KCNIP4: variants seen among roughly 807,000 people sequenced by gnomAD.
KCNIP4 encodes the protein potassium voltage-gated channel interacting protein 4.
In KCNIP4, 12 loss-of-function variants were observed where a neutral mutation model predicts 34.0. That is an observed-to-expected ratio of 0.35 (90% CI 0.23 to 0.57). The LOEUF is 0.57. Ranked by LOEUF, KCNIP4 falls within the 20% of genes least tolerant of loss-of-function variation. KCNIP4 has a pLI of 0.83. For missense variants in KCNIP4, 238 were observed against 311.7 expected, an observed-to-expected ratio of 0.76 and a Z score of 1.78; for synonymous variants, 124 against 102.2, an observed-to-expected ratio of 1.21 and a Z score of -1.29.
At chr4:21,384,265 G>A (rs1721809801) in intron 1 of KCNIP4, among the ~76,000 whole-genome samples, 1 of 151,974 alleles carries the variant, frequency 6.6e-6, no homozygotes, top group Non-Finnish European at 1.5e-5. Context: ...AACATATTAA[G>A]GGCTTTTTTC....
At chr4:21,778,959 T>A (rs566207983) in intron 1 of KCNIP4, among the ~76,000 whole-genome samples, 1 of 152,014 alleles carries the variant, frequency 6.6e-6, no homozygotes, top group African/African-American at 2.4e-5. Context: ...AGAGTTACTG[T>A]GAGCTTTTAA....
chr4:21,597,990 C>T (rs957845541), intron 1 of KCNIP4, among the ~76,000 whole-genome samples: 3 of 151,964 alleles, frequency 2.0e-5, no homozygotes, highest in African/African-American at 7.3e-5. Flanking sequence ...TAATTATGAA[C>T]TGTTGATTCA....
At chr4:21,889,818 G>A (rs988498797) in intron 1 of KCNIP4, among the ~76,000 whole-genome samples, 5 of 152,154 alleles carry the variant, frequency 3.3e-5, no homozygotes, top group African/African-American at 9.7e-5. Flanking sequence ...GCTTCATGAT[G>A]TATTTCCTCC....
At chr4:21,061,713 T>C (rs141601505) in intron 1 of KCNIP4, among the ~76,000 whole-genome samples, 87 of 152,328 alleles carry the variant, frequency 5.7e-4, no homozygotes, top group Middle Eastern at 3.4e-3. Flanking sequence ...CTAAACATTA[T>C]ATGATCCAAA....
intron 1 of KCNIP4, among the ~76,000 whole-genome samples, chr4:21,386,616 G>A (rs1722057801): frequency 6.6e-6 from 1 of 152,130 alleles, no homozygotes; most frequent in Non-Finnish European, 1.5e-5. Flanking sequence ...AATGAACAAG[G>A]AACATTTAGT....
At chr4:20,797,756 G>T (rs936943089) in intron 3 of KCNIP4, among the ~76,000 whole-genome samples, 1 of 152,142 alleles carries the variant, frequency 6.6e-6, no homozygotes, top group Non-Finnish European at 1.5e-5. Context: ...CCCTGGCTGT[G>T]GGTCGGCAGG....
At chr4:20,888,169 G>A (rs1725522745) in intron 1 of KCNIP4, among the ~76,000 whole-genome samples, 1 of 151,892 alleles carries the variant, frequency 6.6e-6, no homozygotes, top group South Asian at 2.1e-4. Context: ...GAAAGCCAGG[G>A]AAGAGGAATA....
intron 1 of KCNIP4, among the ~76,000 whole-genome samples, chr4:21,034,689 C>T (rs770126646): frequency 4.6e-5 from 7 of 152,226 alleles, no homozygotes; most frequent in Middle Eastern, 3.4e-3. Context: ...AGTGTGAGTT[C>T]CATCTGTTAT....
chr4:20,793,206 G>T (rs1162017240), intron 3 of KCNIP4, among the ~76,000 whole-genome samples: 1 of 152,060 alleles, frequency 6.6e-6, no homozygotes, highest in African/African-American at 2.4e-5. Context: ...ACAAATTGTT[G>T]TATATACCTA....
At chr4:21,156,864 G>A (rs1022581160) in intron 1 of KCNIP4, among the ~76,000 whole-genome samples, 1 of 151,908 alleles carries the variant, frequency 6.6e-6, no homozygotes, top group African/African-American at 2.4e-5. Context: ...AACTAATAAG[G>A]TAATATGCAT....
intron 1 of KCNIP4, among the ~76,000 whole-genome samples, chr4:21,753,761 A>C (rs1402249232): frequency 1.3e-5 from 2 of 152,140 alleles, no homozygotes; most frequent in Non-Finnish European, 2.9e-5. Flanking sequence ...AAAACTTTTT[A>C]TTGAAGCATC....
chr4:21,388,525 T>A, intron 1 of KCNIP4, among the ~76,000 whole-genome samples: 1 of 152,274 alleles, frequency 6.6e-6, no homozygotes, highest in South Asian at 2.1e-4. Context: ...ACATATCATA[T>A]AATTTAACCT....
chr4:20,732,597 C>A, intron 7 of KCNIP4, 84 bp downstream of exon 7: 1 of 839,882 alleles, frequency 1.2e-6, no homozygotes, highest in Non-Finnish European at 2.0e-6. Flanking sequence ...CCTTTGCTCT[C>A]TTTTGAATCA....
At chr4:21,831,936 A>G (rs1176756479) in intron 1 of KCNIP4, among the ~76,000 whole-genome samples, 1 of 152,148 alleles carries the variant, frequency 6.6e-6, no homozygotes, top group Non-Finnish European at 1.5e-5. Context: ...TCAATGGCAC[A>G]TTAAAAAGAT....
At chr4:21,043,277 C>T (rs1742116880) in intron 1 of KCNIP4, among the ~76,000 whole-genome samples, 1 of 152,106 alleles carries the variant, frequency 6.6e-6, no homozygotes, top group Non-Finnish European at 1.5e-5. Flanking sequence ...ACAAATGGAT[C>T]ATGACACTGA....
chr4:20,937,533 C>T (rs1045466068), intron 1 of KCNIP4, among the ~76,000 whole-genome samples: 1 of 151,962 alleles, frequency 6.6e-6, no homozygotes, highest in African/African-American at 2.4e-5. Context: ...CGTGCCTGGC[C>T]CCCAAGGAGT....
At chr4:21,492,472 C>A (rs1049888448) in intron 1 of KCNIP4, among the ~76,000 whole-genome samples, 1 of 152,152 alleles carries the variant, frequency 6.6e-6, no homozygotes. Context: ...GATCCTCCTG[C>A]CCTGGCATCC....
At chr4:21,558,592 A>G (rs1277801030) in intron 1 of KCNIP4, among the ~76,000 whole-genome samples, 2 of 152,148 alleles carry the variant, frequency 1.3e-5, no homozygotes, top group African/African-American at 4.8e-5. Context: ...TTGAAATTAT[A>G]CATTGCTAGT....
rs183896599 is a variant in KCNIP4, at chr4:21,876,232, T to C, written c.61+72339A>G. ...GGTCAAATACTGTAATTTTTAACTA[T>C]ATCTGTAACAACTGCAATGTGATAT... On this transcript the variant is annotated intron_variant, in intron 1 of 8. Coordinates refer to ENST00000382152, the MANE Select transcript of KCNIP4 (RefSeq NM_025221.6). Among the ~76,000 whole-genome samples the C allele has an allele frequency of 1.2e-4, 18 of 152,320 alleles. 1 individual carries two copies. The highest frequency in any genetic ancestry group is 1.1e-3 in the Admixed American group (17 of 15,298).
Sources: gnomAD v4.1 joint callset for allele counts (sites outside exome capture counted in the v4.1 genomes callset) on GRCh38, gnomAD v4.1.1 for gene constraint, MANE v1.5 for transcripts, NCBI Gene and HGNC (gene_info 2026-07-23, HGNC 2026-07-21) for gene names.